The following ZC3HAV1 variants were observed in gnomAD, a reference collection of about 807,000 sequenced individuals.
ZC3HAV1 encodes the protein zinc finger CCCH-type containing, antiviral 1.
A neutral mutation model predicts 86.6 loss-of-function variants in ZC3HAV1; 41 were observed. The ratio of observed to expected loss-of-function variants is 0.47; its 90% confidence interval spans 0.37 to 0.61. The LOEUF is 0.61. Among genes scored for constraint, ZC3HAV1 ranks in the 20% least tolerant of loss-of-function variants. ZC3HAV1 has a pLI of 0.00. For synonymous variants in ZC3HAV1, 421 were observed against 432.1 expected, an observed-to-expected ratio of 0.97 and a Z score of 0.32; for missense variants, 964 against 1,141.1, an observed-to-expected ratio of 0.84 and a Z score of 2.24.
chr7:139,084,354 T>C (rs1312057995), intron 2 of ZC3HAV1, among the ~76,000 whole-genome samples: 1 of 152,236 alleles, frequency 6.6e-6, no homozygotes, highest in Non-Finnish European at 1.5e-5. Context: ...AAGGCTCATC[T>C]TTGGTTATCA....
At chr7:139,076,535 C>T (rs544543348) in intron 5 of ZC3HAV1, 126 bp from the exon 6 acceptor site, 2 of 1,214,532 alleles carry the variant, frequency 1.6e-6, no homozygotes, top group Non-Finnish European at 2.3e-6. Flanking sequence ...TCCATCTATA[C>T]CAGCTGACAC....
rs10262217 is a variant in ZC3HAV1, at chr7:139,076,562, T to C, written c.1574-153A>G. Among the ~76,000 whole-genome samples the C allele has an allele frequency of 5.3e-5, 8 of 151,862 alleles. No homozygotes were observed. In the South Asian group the frequency reaches 8.3e-4, roughly 16 times the overall value. The stretch of plus-strand genomic sequence containing the variant: ...AGCTGACACTGCTGTGTGTCCATTA[T>C]CCAGGTTCCTTCATTACCTTGGAGA... On this transcript the variant is annotated intron_variant, in intron 5 of 12. Transcript: ENST00000242351.
At chr7:139,097,419 TATA>T (rs1563140618) in intron 1 of ZC3HAV1, among the ~76,000 whole-genome samples, 8 of 83,120 alleles carry the variant, frequency 9.6e-5, no homozygotes, top group South Asian at 9.7e-4. Context: ...TATATATATA[TATA>T]TATATATTTT....
intron 9 of ZC3HAV1, among the ~76,000 whole-genome samples, chr7:139,057,617 C>T (rs1816325199): frequency 1.3e-5 from 1 of 78,908 alleles, no homozygotes; most frequent in African/African-American, 5.9e-5. Flanking sequence ...CGGCTCACTG[C>T]AAGCTCCGCC....
chr7:139,054,353 CTGAG>C (rs1044914410), intron 10 of ZC3HAV1, among the ~76,000 whole-genome samples: 5 of 152,146 alleles, frequency 3.3e-5, no homozygotes, highest in Non-Finnish European at 7.3e-5. Context: ...CCCCTGCAGT[CTGAG>C]TTAGTCCAGT....
chr7:139,080,423 T>TTTTTTG (rs771023609), intron 3 of ZC3HAV1, among the ~76,000 whole-genome samples, 180 bp from the exon 4 acceptor site: 11 of 152,104 alleles, frequency 7.2e-5, no homozygotes, highest in Non-Finnish European at 1.5e-4. Flanking sequence ...ACTGACGGTT[T>TTTTTTG]TTTTTGTTTT....
chr7:139,072,216 AC>A (rs753420744), intron 7 of ZC3HAV1, among the ~76,000 whole-genome samples: 11 of 150,430 alleles, frequency 7.3e-5, no homozygotes, highest in Non-Finnish European at 1.6e-4. Context: ...TTGGAATCTC[AC>A]TTTTGTCACC....
At chr7:139,079,396 C>T in intron 4 of ZC3HAV1, 74 bp downstream of exon 4, 1 of 1,611,506 alleles carries the variant, frequency 6.2e-7, no homozygotes, top group Non-Finnish European at 8.5e-7. Context: ...TAGTTTTATC[C>T]ACTACTTGAC....
In ZC3HAV1 at chr7:139,108,898, G is replaced by C. The variant is rs1818017035; in HGVS notation, c.308+126C>G. On this transcript the variant is annotated intron_variant, in intron 1 of 12. Transcript: ENST00000242351. This position sits in a 1 kb window ranked among gnomAD's most constrained non-coding sequence, Gnocchi z 4.2. ...CCAGAGGGGAGCAGAGAAGGGAGTG[G>C]CTGGAGGCGGAGGCTGTCAGGTGCG... is the stretch of plus-strand genomic sequence containing the variant. The C allele has an allele frequency of 8.0e-7, 1 of 1,245,216 alleles. No individual in the cohort carries two copies. Among genetic ancestry groups the C allele is most frequent in the African/African-American group, 1.5e-5 (1 of 65,674 alleles). The allele number at this position is 1,245,216 out of a possible 1,614,324, so 77.1% of individuals were successfully genotyped here.
chr7:139,099,015 T>C (rs1351086625), intron 1 of ZC3HAV1, among the ~76,000 whole-genome samples: 3 of 152,222 alleles, frequency 2.0e-5, no homozygotes, highest in Admixed American at 1.3e-4. Context: ...TTGCCATCTC[T>C]GCATTATGTA....
intron 2 of ZC3HAV1, among the ~76,000 whole-genome samples, chr7:139,085,422 T>C (rs534463877): frequency 2.0e-5 from 3 of 152,380 alleles, no homozygotes; most frequent in South Asian, 4.1e-4. Flanking sequence ...GATCTTTTTA[T>C]GTTCTCACAA....
At chr7:139,056,348 T>C (rs1584839700) in intron 9 of ZC3HAV1, among the ~76,000 whole-genome samples, 1 of 151,760 alleles carries the variant, frequency 6.6e-6, no homozygotes, top group East Asian at 1.9e-4. Context: ...GAAAATTCTA[T>C]AGGTCAAATC....
Position 139,044,558 on chromosome 7 carries a change from GAGA to G in ZC3HAV1, c.*3033_*3035del, listed in dbSNP as rs1335277850. ...CTATGAGTCATTTCAGGTCAGCAAA[GAGA>G]ATGTTACAAAATATCTGCTCTGAAA... On this transcript the variant is annotated 3_prime_UTR_variant, in exon 13 of 13. Transcript: ENST00000242351. The G allele has an allele frequency of 6.6e-6, 1 of 152,226 alleles. No homozygotes were observed. Among genetic ancestry groups the G allele is most frequent in the Non-Finnish European group, 1.5e-5 (1 of 68,036 alleles). The allele number at this position is 152,226 out of a possible 1,614,324, so 9.4% of individuals were successfully genotyped here.
intron 9 of ZC3HAV1, chr7:139,060,375 A>C (rs868242951): frequency 3.0e-6 from 3 of 986,892 alleles, no homozygotes; most frequent in Non-Finnish European, 3.6e-6. Context: ...AGCAGTTCAC[A>C]AGGAGAGTTA....
intron 7 of ZC3HAV1, among the ~76,000 whole-genome samples, chr7:139,069,567 C>T (rs77675055): frequency 0.016 from 2,382 of 152,254 alleles, 61 homozygotes; most frequent in African/African-American, 0.054. Flanking sequence ...CTCCTGTCAG[C>T]CCTGCTATCA....
rs368665015 is a variant in ZC3HAV1 at position 139,076,427 on chromosome 7, G to C, written c.1574-18C>G. ...GCAGCTACCTACAAAGACAAAGAAG[G>C]GGTCTGAGGGACTGTTGAGCAGGGA... On this transcript the variant is annotated intron_variant, in intron 5 of 12. Coordinates refer to ENST00000242351, the MANE Select transcript of ZC3HAV1 (RefSeq NM_020119.4). The C allele has an allele frequency of 5.0e-6, 8 of 1,613,596 alleles. No homozygotes were observed. Among genetic ancestry groups the C allele is most frequent in the Middle Eastern group, 1.7e-4 (1 of 6,030 alleles).
Position 139,109,417 on chromosome 7 carries a change from G to C in ZC3HAV1, c.-86C>G. 1 of 1,426,230 alleles carries C rather than the reference G, an allele frequency of 7.0e-7. No homozygotes were observed. Among genetic ancestry groups the C allele is most frequent in the South Asian group, 1.5e-5 (1 of 67,402 alleles). The allele number at this position is 1,426,230 out of a possible 1,614,324, so 88.3% of individuals were successfully genotyped here. On this transcript the variant is annotated 5_prime_UTR_variant, in exon 1 of 13. Coordinates refer to ENST00000242351, the MANE Select transcript of ZC3HAV1 (RefSeq NM_020119.4). Reference sequence around the variant, plus strand: ...TCGAAACTTACAAGTGTCCAGGGGCGGGCGCGGGCGGTGCTACTGCTGGGC... The same window carrying C: ...TCGAAACTTACAAGTGTCCAGGGGCCGGCGCGGGCGGTGCTACTGCTGGGC...
chr7:139,067,079 G>A (rs1816626936), intron 7 of ZC3HAV1, among the ~76,000 whole-genome samples: 1 of 152,136 alleles, frequency 6.6e-6, no homozygotes. Flanking sequence ...AACATTCTGT[G>A]GTGATGAAAA....
chr7:139,099,708 C>T (rs1003629265), intron 1 of ZC3HAV1, among the ~76,000 whole-genome samples: 1 of 152,174 alleles, frequency 6.6e-6, no homozygotes, highest in Admixed American at 6.5e-5. Flanking sequence ...GGGCAGATCA[C>T]CTGAGGTCAG....
Sources: gnomAD v4.1 joint callset for allele counts (sites outside exome capture counted in the v4.1 genomes callset) on GRCh38, gnomAD v4.1.1 for gene constraint, Gnocchi (gnomAD v3.1) non-coding constraint, MANE v1.5 for transcripts, NCBI Gene and HGNC (gene_info 2026-07-23, HGNC 2026-07-21) for gene names.